FTO: variants seen among roughly 807,000 people sequenced by gnomAD.
The protein encoded by FTO is FTO alpha-ketoglutarate dependent dioxygenase, also known as alpha-ketoglutarate-dependent dioxygenase FTO.
Under a neutral mutation model 63.9 loss-of-function variants are expected in FTO, and 47 were observed. The ratio of observed to expected loss-of-function variants is 0.74; its 90% confidence interval spans 0.58 to 0.94. The LOEUF (loss-of-function observed/expected upper bound fraction) is 0.94, where lower values mean the gene tolerates loss of function less well. FTO is among the 40% of genes least tolerant of loss of function. The pLI is 0.00. For synonymous variants in FTO, 207 were observed against 224.4 expected (o/e 0.92, Z 0.69); for missense variants, 562 against 618.1 (o/e 0.91, Z 0.96).
chr16:53,887,800 C>G (rs2081039613), intron 6 of FTO: 1 of 152,114 alleles, frequency 6.6e-6, no homozygotes, highest in Admixed American at 6.5e-5. Flanking sequence ...AACCTATTGT[C>G]ACCTGCCCTG....
intron 8 of FTO, among the ~76,000 whole-genome samples, chr16:54,017,029 A>G (rs1157071180): frequency 4.6e-5 from 7 of 152,300 alleles, no homozygotes; most frequent in Admixed American, 2.0e-4. Context: ...CATTCACCCA[A>G]GGGTAATCCT....
At chr16:53,717,845 CTG>C (rs2075932238) in intron 1 of FTO, among the ~76,000 whole-genome samples, 1 of 152,036 alleles carries the variant, frequency 6.6e-6, no homozygotes, top group Non-Finnish European at 1.5e-5. Flanking sequence ...ATAATCAGAT[CTG>C]CTTTTTATCC....
At chr16:53,931,275 A>G (rs2082274739) in intron 7 of FTO, among the ~76,000 whole-genome samples, 1 of 150,496 alleles carries the variant, frequency 6.6e-6, no homozygotes, top group African/African-American at 2.4e-5. Context: ...ATGTATCCAC[A>G]GATATAACCA....
At chr16:54,063,121 G>T (rs1354438077) in intron 8 of FTO, among the ~76,000 whole-genome samples, 1 of 152,148 alleles carries the variant, frequency 6.6e-6, no homozygotes, top group Non-Finnish European at 1.5e-5. Flanking sequence ...CTTTTTGTTG[G>T]TAAGTTCAGG....
intron 5 of FTO, among the ~76,000 whole-genome samples, chr16:53,875,420 A>G (rs1248705842): frequency 6.6e-6 from 1 of 152,236 alleles, no homozygotes; most frequent in African/African-American, 2.4e-5. Context: ...TGTTCTTATG[A>G]GGATTAAATT....
chr16:54,108,539 G>T (rs1209578486), intron 8 of FTO, among the ~76,000 whole-genome samples: 1 of 152,100 alleles, frequency 6.6e-6, no homozygotes, highest in Non-Finnish European at 1.5e-5. Flanking sequence ...TAGAGGCTAC[G>T]CACCCAGTTA....
intron 4 of FTO, among the ~76,000 whole-genome samples, chr16:53,865,069 A>G (rs1483918322): frequency 1.3e-5 from 2 of 152,160 alleles, no homozygotes; most frequent in Non-Finnish European, 2.9e-5. Context: ...CCTACTCATT[A>G]AGGTGGTGAT....
At chr16:53,737,208 T>C (rs745992810) in intron 1 of FTO, among the ~76,000 whole-genome samples, 5 of 152,124 alleles carry the variant, frequency 3.3e-5, no homozygotes, top group Admixed American at 6.6e-5. Context: ...GGTGGACACA[T>C]TTTATATATT....
intron 4 of FTO, among the ~76,000 whole-genome samples, chr16:53,847,109 C>A (rs2079644488): frequency 6.6e-6 from 1 of 152,102 alleles, no homozygotes; most frequent in African/African-American, 2.4e-5. Flanking sequence ...CTCAGCAATC[C>A]TGAGAAACAA....
chr16:53,986,087 T>A (rs986112752), intron 8 of FTO, among the ~76,000 whole-genome samples: 1 of 152,248 alleles, frequency 6.6e-6, no homozygotes, highest in Non-Finnish European at 1.5e-5. Flanking sequence ...ATTTTCACCA[T>A]GCATTCCTGC....
intron 8 of FTO, among the ~76,000 whole-genome samples, chr16:53,957,121 A>G (rs1276358701): frequency 2.0e-5 from 3 of 152,196 alleles, no homozygotes; most frequent in African/African-American, 4.8e-5. Flanking sequence ...AATTGAGGGC[A>G]TATCCCAATA....
chr16:54,093,092 GGGACA>G (rs144811650), intron 8 of FTO, among the ~76,000 whole-genome samples: 98,898 of 151,414 alleles, frequency 0.65, 32,574 homozygotes, highest in African/African-American at 0.73. Flanking sequence ...TGTTCCTGGA[GGGACA>G]GGAACACTGT....
chr16:53,711,380 G>C, intron 1 of FTO: 1 of 398,506 alleles, frequency 2.5e-6, no homozygotes, highest in South Asian at 1.3e-4. Context: ...CTGATTAAGT[G>C]TCGAGTAGTG....
chr16:54,063,173 C>T (rs528780542), intron 8 of FTO, among the ~76,000 whole-genome samples: 9 of 152,216 alleles, frequency 5.9e-5, no homozygotes, highest in South Asian at 2.1e-4. Flanking sequence ...CCGTTTTCCC[C>T]GGAATTTTTC....
rs147219636 is a variant in FTO, at chr16:53,781,836, C to T, written c.46-28304C>T. Reference sequence around the variant, plus strand: ...TGTTTGTTTATAAGTGAGCATAGCACAGAGGAAAAAATATAGGTTTTGGAG... The same window carrying T: ...TGTTTGTTTATAAGTGAGCATAGCATAGAGGAAAAAATATAGGTTTTGGAG... On this transcript the variant is annotated intron_variant, in intron 1 of 8. Transcript: ENST00000471389. 8.1e-3 allele frequency among the ~76,000 whole-genome samples: 1,227 copies of T among 152,180 alleles called. 20 individuals carry two copies. The highest frequency in any genetic ancestry group is 0.061 in the Middle Eastern group (18 of 294).
At chr16:54,104,497 GA>G (rs1299238851) in intron 8 of FTO, among the ~76,000 whole-genome samples, 2 of 151,974 alleles carry the variant, frequency 1.3e-5, no homozygotes, top group Non-Finnish European at 2.9e-5. Context: ...ATTTTTAGTA[GA>G]GACAGGGTTT....
intron 4 of FTO, among the ~76,000 whole-genome samples, chr16:53,872,997 A>C (rs1042333117): frequency 6.6e-6 from 1 of 152,162 alleles, no homozygotes; most frequent in African/African-American, 2.4e-5. Context: ...ATATTCTTCA[A>C]CTGATGAATT....
chr16:53,841,784 A>G (rs1478537637), intron 3 of FTO, among the ~76,000 whole-genome samples: 1 of 152,336 alleles, frequency 6.6e-6, no homozygotes, highest in South Asian at 2.1e-4. Context: ...AGCCCAGGGA[A>G]AACATGCTTT....
intron 4 of FTO, among the ~76,000 whole-genome samples, chr16:53,848,418 A>G (rs1408906193): frequency 6.6e-6 from 1 of 152,188 alleles, no homozygotes; most frequent in Admixed American, 6.5e-5. Flanking sequence ...TCCACTGCCC[A>G]TGGAAGTGAG....
Sources: allele counts gnomAD v4.1 joint callset (sites outside exome capture counted in the v4.1 genomes callset), GRCh38; gene constraint gnomAD v4.1.1; transcripts MANE v1.5; gene names NCBI Gene and HGNC (gene_info 2026-07-23, HGNC 2026-07-21).